TFIP11: variants seen among roughly 807,000 people sequenced by gnomAD.
TFIP11 encodes the protein tuftelin interacting protein 11, also known as tuftelin-interacting protein 11.
Under a neutral mutation model 96.8 loss-of-function variants are expected in TFIP11, and 86 were observed. The observed-to-expected ratio is 0.89, with a 90% confidence interval of 0.75 to 1.06. The LOEUF is 1.06. Among genes scored for constraint, TFIP11 ranks in the 50% least tolerant of loss-of-function variants. TFIP11 has a pLI of 0.00. For missense variants in TFIP11, 881 were observed against 1,076.7 expected (o/e 0.82, Z 2.54); for synonymous variants, 405 against 395.2 (o/e 1.02, Z -0.29).
intron 5 of TFIP11, 63 bp downstream of exon 5, chr22:26,506,712 T>C: frequency 6.3e-7 from 1 of 1,583,770 alleles, no homozygotes; most frequent in Admixed American, 1.8e-5. Context: ...GGCTAGAAAA[T>C]GCTTGGGCCA....
chr22:26,491,435 G>A lies in TFIP11; in HGVS notation c.*578C>T. 6.3e-7 allele frequency: 1 copy of A among 1,575,268 alleles called. No homozygotes were observed. Among genetic ancestry groups the A allele is most frequent in the Non-Finnish European group, 8.7e-7 (1 of 1,150,206 alleles). Reference sequence around the variant, plus strand: ...GTGGGGATTACTGTGACTATCTGAAGTTTTTATACTTGAATTTTTCTGCTC... The same window carrying A: ...GTGGGGATTACTGTGACTATCTGAAATTTTTATACTTGAATTTTTCTGCTC... On this transcript the variant is annotated 3_prime_UTR_variant, in exon 15 of 15. Transcript: ENST00000407690.
rs1480207889 is a variant in TFIP11 at position 26,491,790 on chromosome 22, C to A, written c.*223G>T. The A allele has an allele frequency of 9.4e-6, 10 of 1,059,222 alleles. No individual in the cohort carries two copies. Among genetic ancestry groups the A allele is most frequent in the Middle Eastern group, 2.3e-4 (1 of 4,302 alleles). The allele number at this position is 1,059,222 out of a possible 1,614,324, so 65.6% of individuals were successfully genotyped here. On this transcript the variant is annotated 3_prime_UTR_variant, in exon 15 of 15. Transcript: ENST00000407690. Reference sequence around the variant, plus strand: ...TTGCCAGGAAAGAACATCAACTTGGCTGTCCTGTTTTGAGGACGATACCCC... The same window carrying A: ...TTGCCAGGAAAGAACATCAACTTGGATGTCCTGTTTTGAGGACGATACCCC...
rs1474826397 is a variant in TFIP11, at chr22:26,491,242, A to C, written c.*771T>G. ...GCTATGACTCTTTAATGCATCTCTTAGTTTTTTCCTTATTTCCTTTATTCT... is the reference window on the plus strand; with the variant it reads ...GCTATGACTCTTTAATGCATCTCTTCGTTTTTTCCTTATTTCCTTTATTCT... On this transcript the variant is annotated 3_prime_UTR_variant, in exon 15 of 15. Transcript: ENST00000407690. The C allele has an allele frequency of 1.3e-6, 1 of 763,198 alleles. No homozygotes were observed. The highest frequency in any genetic ancestry group is 2.1e-6 in the Non-Finnish European group (1 of 469,894). The allele number at this position is 763,198 out of a possible 1,614,324, so 47.3% of individuals were successfully genotyped here.
At chr22:26,500,586 T>C (rs1922654462) in intron 8 of TFIP11, among the ~76,000 whole-genome samples, 1 of 152,062 alleles carries the variant, frequency 6.6e-6, no homozygotes, top group South Asian at 2.1e-4. Flanking sequence ...ACTACACTTC[T>C]GAAACAGAAT....
rs565221095 is a variant in TFIP11 at position 26,509,561 on chromosome 22, A to G, written c.209+503T>C. On this transcript the variant is annotated intron_variant, in intron 4 of 14. Transcript: ENST00000407690. ...AGCAATCGCTCAATAAACACTGATAATTAAATCAGTGAGGCCAGGCGTGGT... is the reference window on the plus strand; with the variant it reads ...AGCAATCGCTCAATAAACACTGATAGTTAAATCAGTGAGGCCAGGCGTGGT... Among the ~76,000 whole-genome samples the G allele has an allele frequency of 4.6e-5, 7 of 152,300 alleles. No individual in the cohort carries two copies. In the South Asian group the frequency reaches 1.4e-3, roughly 32 times the overall value.
Position 26,500,163 on chromosome 22 carries a change from T to A in TFIP11, c.802-532A>T, listed in dbSNP as rs116950063. On this transcript the variant is annotated intron_variant, in intron 8 of 14. Coordinates refer to ENST00000407690, the MANE Select transcript of TFIP11 (RefSeq NM_012143.4). ...CTGCTGTGTAATAACAAAGTTTTTT[T>A]AAATTTAATTTATTTATTTATTTTG... Among the ~76,000 whole-genome samples, 539 of 152,256 alleles carry A rather than the reference T, an allele frequency of 3.5e-3. 15 individuals carry two copies. In the East Asian group the frequency reaches 0.065, roughly 18 times the overall value.
Position 26,491,784 on chromosome 22 carries a change from A to G in TFIP11, c.*229T>C, listed in dbSNP as rs1921217446. 1 of 1,078,436 alleles carries G rather than the reference A, an allele frequency of 9.3e-7. No homozygotes were observed. Among genetic ancestry groups the G allele is most frequent in the East Asian group, 2.5e-5 (1 of 39,226 alleles). 66.8% of individuals were successfully genotyped at this position (1,078,436 alleles called of 1,614,324 possible). On this transcript the variant is annotated 3_prime_UTR_variant, in exon 15 of 15. Coordinates refer to ENST00000407690, the MANE Select transcript of TFIP11 (RefSeq NM_012143.4). ...ACTCCTTTGCCAGGAAAGAACATCA[A>G]CTTGGCTGTCCTGTTTTGAGGACGA...
At chr22:26,503,591 G>C (rs982923672) in intron 7 of TFIP11, 75 bp downstream of exon 7, 1 of 1,570,062 alleles carries the variant, frequency 6.4e-7, no homozygotes, top group African/African-American at 1.4e-5. Flanking sequence ...AGGACTAACA[G>C]AATGAAGGGA....
Position 26,494,154 on chromosome 22 carries a change from C to A in TFIP11, c.2143G>T (p.Val715Leu), listed in dbSNP as rs1921616165. The A allele has an allele frequency of 1.2e-6, 2 of 1,614,028 alleles. No homozygotes were observed. Among genetic ancestry groups the A allele is most frequent in the East Asian group, 2.2e-5 (1 of 44,892 alleles). Residue 715 changes from valine to leucine, a missense_variant, in exon 14 of 15, where the codon GTG becomes TTG. By Grantham distance (32) the Val-to-Leu change is conservative. Transcript: ENST00000407690. Reference sequence around the variant, plus strand: ...CCTCACTTACCAACGTTGGAGGACACCGCCCGGTTCATGATATCAAGTGCC... The same window carrying A: ...CCTCACTTACCAACGTTGGAGGACAACGCCCGGTTCATGATATCAAGTGCC... ...NEALDIMNRA[V>L]SSNVGAYMQP...
intron 10 of TFIP11, among the ~76,000 whole-genome samples, chr22:26,498,282 C>T (rs1291655162): frequency 6.6e-6 from 1 of 152,170 alleles, no homozygotes; most frequent in Non-Finnish European, 1.5e-5. Context: ...GTGGCTCACG[C>T]CTGGAATCCC....
At chr22:26,492,635 C>T in intron 14 of TFIP11, 1 of 434,040 alleles carries the variant, frequency 2.3e-6, no homozygotes, top group Non-Finnish European at 4.3e-6. Context: ...GGATTTCTTC[C>T]TTCAGAGCTG....
chr22:26,492,460 G>C, intron 14 of TFIP11, 92 bp from the exon 15 acceptor site: 1 of 1,193,758 alleles, frequency 8.4e-7, no homozygotes, highest in Non-Finnish European at 1.2e-6. Flanking sequence ...GGGTGTGCCA[G>C]AGTGCTTGTG....
At chr22:26,507,003 T>C in intron 4 of TFIP11, 75 bp from the exon 5 acceptor site, 4 of 1,540,258 alleles carry the variant, frequency 2.6e-6, no homozygotes, top group Non-Finnish European at 3.5e-6. Flanking sequence ...TTGCAGAAAC[T>C]ACGTGCTTGA....
At position 26,494,307 on chromosome 22, in the gene TFIP11, G is replaced by C; in HGVS notation, c.1993-3C>G. 1 of 1,614,126 alleles carries C rather than the reference G, an allele frequency of 6.2e-7. No individual in the cohort carries two copies. Among genetic ancestry groups the C allele is most frequent in the Non-Finnish European group, 8.5e-7 (1 of 1,180,014 alleles). Reference sequence around the variant, plus strand: ...TTACTGAGCCAAGAGCACAGCACCTGCCAAAAAGAAAAATTACTTGCATCC... The same window carrying C: ...TTACTGAGCCAAGAGCACAGCACCTCCCAAAAAGAAAAATTACTTGCATCC... On this transcript the variant is annotated splice_polypyrimidine_tract_variant and splice_region_variant and intron_variant, in intron 13 of 14. Transcript: ENST00000407690.
intron 12 of TFIP11, among the ~76,000 whole-genome samples, chr22:26,495,473 A>G (rs1921837998): frequency 6.6e-6 from 1 of 150,804 alleles, no homozygotes; most frequent in Non-Finnish European, 1.5e-5. Flanking sequence ...ATGGGGTTTC[A>G]CCATGTTGCT....
chr22:26,506,481 G>C, intron 5 of TFIP11, 22 bp from the exon 6 acceptor site: 1 of 1,583,320 alleles, frequency 6.3e-7, no homozygotes, highest in Non-Finnish European at 8.5e-7. Context: ...AAAAATCAAA[G>C]CTTAGTTAAT....
Position 26,496,844 on chromosome 22 carries a change from G to A in TFIP11, c.1482C>T (p.Thr494=). The A allele has an allele frequency of 6.2e-7, 1 of 1,614,112 alleles. No homozygotes were observed. The highest frequency in any genetic ancestry group is 8.5e-7 in the Non-Finnish European group (1 of 1,180,034). ...VWMPFVRNIV[T]QWQPRNCDPM... ...GGTCACAGTTCCTTGGCTGCCACTG[G>A]GTGACAATATTTCGAACAAAAGGCA... is the stretch of plus-strand genomic sequence containing the variant. The change falls in exon 11 of 15, where the codon ACC becomes ACT. Residue 494 remains threonine, a synonymous_variant. Transcript: ENST00000407690.
chr22:26,503,235 G>A (rs890107976), intron 7 of TFIP11, among the ~76,000 whole-genome samples: 3 of 151,588 alleles, frequency 2.0e-5, no homozygotes, highest in Non-Finnish European at 2.9e-5. Context: ...TTTGTGTACC[G>A]CCCTCCCACC....
At position 26,503,735 on chromosome 22, in the gene TFIP11, A is replaced by C; in HGVS notation, c.579T>G (p.Tyr193Ter). ...QRKGKGAVGA[Y>*]GSERTTQSMQ... The stretch of plus-strand genomic sequence containing the variant: ...TGGACTGAGTGGTGCGCTCGGATCC[A>C]TAAGCCCCCACAGCACCTTTTCCCT... The change falls in exon 7 of 15, where the codon TAT (tyrosine) becomes TAG (stop). Residue 193 changes from tyrosine (Y) to a stop codon, truncating the protein, a stop_gained. Transcript: ENST00000407690. LOFTEE classifies it high-confidence loss of function. 1.9e-6 allele frequency: 3 copies of C among 1,614,062 alleles called. No individual in the cohort carries two copies. Among genetic ancestry groups the C allele is most frequent in the Non-Finnish European group, 2.5e-6 (3 of 1,180,008 alleles).
Sources: allele counts gnomAD v4.1 joint callset (sites outside exome capture counted in the v4.1 genomes callset), GRCh38; gene constraint gnomAD v4.1.1; transcripts MANE v1.5; gene names NCBI Gene and HGNC (gene_info 2026-07-23, HGNC 2026-07-21).